The following DAPK1 variants were observed in gnomAD, a reference collection of about 807,000 sequenced individuals.
DAPK1 encodes the protein death associated protein kinase 1, also known as death-associated protein kinase 1.
DAPK1 carries 56 observed loss-of-function variants against 144.9 expected under a neutral mutation model. The observed-to-expected ratio is 0.39, with a 90% CI of 0.31 to 0.48. The LOEUF (loss-of-function observed/expected upper bound fraction) is 0.48, where lower values mean the gene tolerates loss of function less well. Ranked by LOEUF, DAPK1 falls within the 20% of genes least tolerant of loss-of-function variation. The pLI is 0.95. For missense variants in DAPK1, 1,454 were observed against 1,875.4 expected (o/e 0.78, Z 4.15); for synonymous variants, 690 against 749.0 (o/e 0.92, Z 1.29).
chr9:87,685,581 G>C (rs1466027029), intron 20 of DAPK1, among the ~76,000 whole-genome samples: 4 of 152,188 alleles, frequency 2.6e-5, no homozygotes, highest in Non-Finnish European at 5.9e-5. Flanking sequence ...GCTTCTGCCT[G>C]CACAAGCCTG....
At position 87,686,360 on chromosome 9, in the gene DAPK1, G is replaced by A. The variant is rs751840667; in HGVS notation, c.2225-191G>A. 1.9e-4 allele frequency among the ~76,000 whole-genome samples: 29 copies of A among 152,260 alleles called. No homozygotes were observed. Among genetic ancestry groups the A allele is most frequent in the East Asian group, 3.9e-4 (2 of 5,168 alleles). ...AAGGTTGTGGGGAGGTAGAGCAAGC[G>A]GAAAAGCCCACAGCCTTGCTGGGAA... On this transcript the variant is annotated intron_variant, in intron 20 of 25. Coordinates refer to ENST00000408954, the MANE Select transcript of DAPK1 (RefSeq NM_004938.4). This position sits in a 1 kb window ranked among gnomAD's most constrained non-coding sequence, Gnocchi z 4.2.
At chr9:87,597,116 G>A (rs36206536) in intron 2 of DAPK1, among the ~76,000 whole-genome samples, 7,577 of 152,312 alleles carry the variant, frequency 0.05, 647 homozygotes, top group African/African-American at 0.17. Context: ...GGGAGCTTCT[G>A]AGAACTCAAG....
intron 2 of DAPK1, among the ~76,000 whole-genome samples, chr9:87,560,234 G>T (rs1826862464): frequency 6.6e-6 from 1 of 151,950 alleles, no homozygotes; most frequent in Non-Finnish European, 1.5e-5. Flanking sequence ...GACCTCAAGT[G>T]ATCTGCCTGC....
chr9:87,696,003 T>A (rs1245481077), intron 21 of DAPK1, among the ~76,000 whole-genome samples: 1 of 152,200 alleles, frequency 6.6e-6, no homozygotes, highest in Admixed American at 6.5e-5. Flanking sequence ...GTGTCTGTAT[T>A]AAGGATATGT....
intron 18 of DAPK1, among the ~76,000 whole-genome samples, chr9:87,666,537 G>A (rs1439642353): frequency 5.3e-5 from 8 of 149,656 alleles, no homozygotes; most frequent in African/African-American, 1.2e-4. Flanking sequence ...GCAGTGGCAC[G>A]ATCTTGGCTC....
intron 19 of DAPK1, among the ~76,000 whole-genome samples, chr9:87,673,485 C>T (rs1342707518): frequency 6.6e-6 from 1 of 152,088 alleles, no homozygotes; most frequent in Non-Finnish European, 1.5e-5. Flanking sequence ...CCTGTTTGCC[C>T]GCAGCAGTGG....
intron 2 of DAPK1, among the ~76,000 whole-genome samples, chr9:87,571,429 AC>A (rs1441349802): frequency 6.4e-5 from 6 of 93,464 alleles, no homozygotes; most frequent in African/African-American, 8.8e-5. Flanking sequence ...CCCATCCCCC[AC>A]CCCCCAACAC....
chr9:87,587,883 T>C (rs1333478828), intron 2 of DAPK1, among the ~76,000 whole-genome samples: 2 of 152,260 alleles, frequency 1.3e-5, no homozygotes, highest in Admixed American at 6.5e-5. Context: ...GGCACATGCC[T>C]AAAAGATGCA....
chr9:87,693,180 A>G (rs965108282), intron 21 of DAPK1, among the ~76,000 whole-genome samples: 1 of 150,982 alleles, frequency 6.6e-6, no homozygotes, highest in Non-Finnish European at 1.5e-5. Context: ...TATCTCCTTC[A>G]GTTTCTCTTT....
Position 87,605,104 on chromosome 9 carries a change from C to T in DAPK1, c.213C>T (p.Ile71=). 6.2e-7 allele frequency: 1 copy of T among 1,614,176 alleles called. No individual in the cohort carries two copies. Among genetic ancestry groups the T allele is most frequent in the Non-Finnish European group, 8.5e-7 (1 of 1,180,042 alleles). Residue 71 remains isoleucine, a synonymous_variant, in exon 3 of 26, where the codon ATC becomes ATT. Transcript: ENST00000408954. ...GGGAGGTCAGCATCCTGAAGGAGAT[C>T]CAGCACCCCAATGTCATCACCCTGC... is the stretch of plus-strand genomic sequence containing the variant. ...IEREVSILKE[I]QHPNVITLHE... is the part of the protein sequence containing the mutation.
chr9:87,632,376 A>G (rs1484992616), intron 3 of DAPK1: 1 of 983,728 alleles, frequency 1.0e-6, no homozygotes, highest in African/African-American at 1.8e-5. Flanking sequence ...GGATGAGTGC[A>G]TATGTAGAAA....
At chr9:87,552,960 T>G (rs1363574655) in intron 2 of DAPK1, among the ~76,000 whole-genome samples, 1 of 152,156 alleles carries the variant, frequency 6.6e-6, no homozygotes. Context: ...ACATTCACGT[T>G]GTGTTGCAGC....
intron 2 of DAPK1, among the ~76,000 whole-genome samples, chr9:87,604,173 G>T (rs1043941929): frequency 4.6e-5 from 7 of 152,060 alleles, no homozygotes; most frequent in African/African-American, 9.7e-5. Flanking sequence ...CGGCTTTGAG[G>T]GGGGGGTTCT....
At chr9:87,617,759 A>G (rs1026276612) in intron 3 of DAPK1, among the ~76,000 whole-genome samples, 1 of 152,048 alleles carries the variant, frequency 6.6e-6, no homozygotes, top group Non-Finnish European at 1.5e-5. Flanking sequence ...CCTACTCGAC[A>G]TTTCCTCCAA....
intron 2 of DAPK1, among the ~76,000 whole-genome samples, chr9:87,518,105 G>GTTTT (rs1178414186): frequency 2.4e-3 from 86 of 35,600 alleles, no homozygotes; most frequent in East Asian, 3.3e-3. Context: ...TTATGTTGTT[G>GTTTT]TTTTTTTTTT....
At chr9:87,671,793 C>T (rs772377277) in intron 19 of DAPK1, among the ~76,000 whole-genome samples, 8 of 152,306 alleles carry the variant, frequency 5.3e-5, no homozygotes, top group East Asian at 3.9e-4. Context: ...GGATTACAGG[C>T]GTGAGCCACT....
chr9:87,617,838 C>T (rs1167114667), intron 3 of DAPK1, among the ~76,000 whole-genome samples: 3 of 152,166 alleles, frequency 2.0e-5, no homozygotes, highest in Non-Finnish European at 4.4e-5. Flanking sequence ...CTCCATAGTC[C>T]CTGCTCCCCT....
intron 3 of DAPK1, among the ~76,000 whole-genome samples, chr9:87,637,056 G>A (rs917153097): frequency 1.3e-5 from 2 of 152,014 alleles, no homozygotes; most frequent in East Asian, 1.9e-4. Context: ...AAAAAAATCC[G>A]CAACCAACAA....
chr9:87,655,457 C>T (rs36214714), intron 17 of DAPK1, among the ~76,000 whole-genome samples: 1 of 152,248 alleles, frequency 6.6e-6, no homozygotes, highest in Admixed American at 6.5e-5. Context: ...GCACATCCAG[C>T]TTTCTAGAGA....
Sources: allele counts gnomAD v4.1 joint callset (sites outside exome capture counted in the v4.1 genomes callset), GRCh38; gene constraint gnomAD v4.1.1; non-coding constraint Gnocchi (gnomAD v3.1); transcripts MANE v1.5; gene names NCBI Gene and HGNC (gene_info 2026-07-23, HGNC 2026-07-21).